FBN2: variants seen among roughly 807,000 people sequenced by gnomAD.
The protein encoded by FBN2 is fibrillin-2.
In FBN2, 105 loss-of-function variants were observed where a neutral mutation model predicts 355.6. The ratio of observed to expected loss-of-function variants is 0.30; its 90% CI spans 0.25 to 0.35. The LOEUF (loss-of-function observed/expected upper bound fraction) is 0.35, where lower values mean the gene tolerates loss of function less well. Ranked by LOEUF, FBN2 falls within the 10% of genes least tolerant of loss-of-function variation. The pLI is 1.00. For synonymous variants in FBN2, 1,350 were observed against 1,301.2 expected (o/e 1.04, Z -0.81); for missense variants, 3,280 against 3,758.7 (o/e 0.87, Z 3.33).
At chr5:128,480,955 T>C (rs1272941352) in intron 5 of FBN2, among the ~76,000 whole-genome samples, 2 of 152,202 alleles carry the variant, frequency 1.3e-5, no homozygotes, top group Non-Finnish European at 2.9e-5. Flanking sequence ...TAAAACTTTC[T>C]TGGATATGAA....
chr5:128,281,054 A>C (rs1765531137), intron 55 of FBN2, among the ~76,000 whole-genome samples: 1 of 152,108 alleles, frequency 6.6e-6, no homozygotes, highest in African/African-American at 2.4e-5. Flanking sequence ...ATTTTTAAAA[A>C]TTTACTGACA....
chr5:128,444,201 T>G (rs1754004282), intron 7 of FBN2, among the ~76,000 whole-genome samples: 1 of 151,392 alleles, frequency 6.6e-6, no homozygotes, highest in Non-Finnish European at 1.5e-5. Flanking sequence ...GCCTCCCGAG[T>G]AGCTGGGACT....
At chr5:128,481,050 A>T (rs530761215) in intron 5 of FBN2, among the ~76,000 whole-genome samples, 1 of 152,176 alleles carries the variant, frequency 6.6e-6, no homozygotes, top group Admixed American at 6.6e-5. Context: ...TCTATTATTC[A>T]AGCTCCCTAT....
Position 128,519,371 on chromosome 5 carries a change from G to A in FBN2, c.533-3C>T, listed in dbSNP as rs765533129. On this transcript the variant is annotated splice_polypyrimidine_tract_variant and splice_region_variant and intron_variant, in intron 4 of 64. Transcript: ENST00000262464. ...CTGACATCCATTTTCACAGACAGCTGCATACAAAAATAGCAAGAAGCTCAT... is the reference window on the plus strand; with the variant it reads ...CTGACATCCATTTTCACAGACAGCTACATACAAAAATAGCAAGAAGCTCAT... 2 of 1,612,742 alleles carry A rather than the reference G, an allele frequency of 1.2e-6. No individual in the cohort carries two copies. The highest frequency in any genetic ancestry group is 2.2e-5 in the East Asian group (1 of 44,862).
rs2126898743 is a variant in FBN2, at chr5:128,336,100, G to A, written c.3612C>T (p.Cys1204=). The change falls in exon 28 of 65, where the codon TGC becomes TGT. Residue 1204 remains cysteine (C), a synonymous_variant. Coordinates refer to ENST00000262464, the MANE Select transcript of FBN2 (RefSeq NM_001999.4). ...SREDCVDINE[C]SLSDNLCRNG... is the part of the protein sequence containing the mutation. ...TTCTGCAGAGATTGTCACTCAGGGA[G>A]CATTCATTAATATCTATAAAAGATA... 6.2e-7 allele frequency: 1 copy of A among 1,612,992 alleles called. No homozygotes were observed. Among genetic ancestry groups the A allele is most frequent in the African/African-American group, 1.3e-5 (1 of 75,026 alleles).
intron 6 of FBN2, among the ~76,000 whole-genome samples, chr5:128,449,314 CA>C (rs1754158222): frequency 6.8e-6 from 1 of 146,356 alleles, no homozygotes; most frequent in African/African-American, 2.5e-5. Flanking sequence ...TATAATTATA[CA>C]GTATACTATA....
chr5:128,314,059 C>T lies in FBN2; in HGVS notation c.4718-1264G>A, dbSNP rs141667102. ...ATGGTCTACTTTACCTTCTGTAAGCCAGAGTGACCCTTCAATAGCATTACC... is the reference window on the plus strand; with the variant it reads ...ATGGTCTACTTTACCTTCTGTAAGCTAGAGTGACCCTTCAATAGCATTACC... On this transcript the variant is annotated intron_variant, in intron 36 of 64. Coordinates refer to ENST00000262464, the MANE Select transcript of FBN2 (RefSeq NM_001999.4). 2.3e-3 allele frequency among the ~76,000 whole-genome samples: 352 copies of T among 152,010 alleles called. 1 individual carries two copies. Among genetic ancestry groups the T allele is most frequent in the Non-Finnish European group, 3.8e-3 (261 of 67,980 alleles).
chr5:128,284,015 T>A (rs1194350690), intron 55 of FBN2, among the ~76,000 whole-genome samples: 1 of 152,178 alleles, frequency 6.6e-6, no homozygotes, highest in Non-Finnish European at 1.5e-5. Flanking sequence ...AATCTGAGCC[T>A]CCTTTTTCTC....
intron 6 of FBN2, among the ~76,000 whole-genome samples, chr5:128,451,666 C>G (rs2127065290): frequency 6.6e-6 from 1 of 152,294 alleles, no homozygotes; most frequent in Non-Finnish European, 1.5e-5. Flanking sequence ...TCCCAAAGTG[C>G]TGAGATTACA....
At chr5:128,294,613 T>G (rs1052973447) in intron 48 of FBN2, among the ~76,000 whole-genome samples, 2 of 148,052 alleles carry the variant, frequency 1.4e-5, no homozygotes, top group African/African-American at 2.5e-5. Context: ...TTTTCATGTG[T>G]TTTTTGGCTG....
intron 34 of FBN2, among the ~76,000 whole-genome samples, chr5:128,325,495 T>C (rs536716068): frequency 6.6e-6 from 1 of 152,362 alleles, no homozygotes; most frequent in South Asian, 2.1e-4. Flanking sequence ...TTTAAGCCTA[T>C]GTGTGTCTTT....
rs1304251455 is a variant in FBN2 at position 128,312,884 on chromosome 5, A to C, written c.4718-89T>G. 3 of 1,415,864 alleles carry C rather than the reference A, an allele frequency of 2.1e-6. No individual in the cohort carries two copies. In the Admixed American group the frequency reaches 5.0e-5, roughly 24 times the overall value. The allele number at this position is 1,415,864 out of a possible 1,614,324, so 87.7% of individuals were successfully genotyped here. A position where few individuals can be genotyped will look rare whatever the true frequency, so the allele number is the denominator to read the frequency against. On this transcript the variant is annotated intron_variant, in intron 36 of 64. Transcript: ENST00000262464. The stretch of plus-strand genomic sequence containing the variant: ...AAAAGTCACTCAAAGGATGAAATTC[A>C]AATTTTGTACGTTAACATGAAAGGT...
At chr5:128,537,135 C>A (rs752037579) in intron 1 of FBN2, among the ~76,000 whole-genome samples, 1 of 152,150 alleles carries the variant, frequency 6.6e-6, no homozygotes, top group Non-Finnish European at 1.5e-5. Context: ...GCCGCCCAAC[C>A]CCCGGAGAGA....
intron 6 of FBN2, among the ~76,000 whole-genome samples, chr5:128,460,951 T>C (rs1420627835): frequency 6.6e-6 from 1 of 152,092 alleles, no homozygotes; most frequent in Non-Finnish European, 1.5e-5. Flanking sequence ...GGGGGGAGAC[T>C]TCATGACAAA....
At chr5:128,334,994 A>G (rs2126895993) in intron 30 of FBN2, 150 bp from the exon 31 acceptor site, 6 of 1,178,780 alleles carry the variant, frequency 5.1e-6, no homozygotes, top group South Asian at 3.9e-5. Context: ...TAAATATACA[A>G]CCTGCCTTTA....
chr5:128,381,724 G>T (rs972145387), intron 11 of FBN2, among the ~76,000 whole-genome samples: 1 of 151,978 alleles, frequency 6.6e-6, no homozygotes, highest in Admixed American at 6.6e-5. Flanking sequence ...TAAATGATGA[G>T]GTATATCTAT....
intron 1 of FBN2, among the ~76,000 whole-genome samples, 164 bp downstream of exon 1, chr5:128,537,186 G>A (rs1413567749): frequency 2.0e-4 from 30 of 149,322 alleles, no homozygotes; most frequent in Admixed American, 7.9e-4. Context: ...GGAAGGAAAA[G>A]GGGGACGCGC....
At chr5:128,440,247 A>T (rs1403801119) in intron 7 of FBN2, among the ~76,000 whole-genome samples, 1 of 152,132 alleles carries the variant, frequency 6.6e-6, no homozygotes, top group Non-Finnish European at 1.5e-5. Context: ...ATTTCTTTAG[A>T]CTATTGCTAC....
intron 10 of FBN2, among the ~76,000 whole-genome samples, chr5:128,392,642 T>C (rs961442688): frequency 1.3e-5 from 2 of 151,846 alleles, no homozygotes; most frequent in African/African-American, 4.8e-5. Flanking sequence ...CAAAAAAGGG[T>C]GAGGAAAGGA....
Sources: allele counts gnomAD v4.1 joint callset (sites outside exome capture counted in the v4.1 genomes callset), GRCh38; gene constraint gnomAD v4.1.1; transcripts MANE v1.5; gene names NCBI Gene and HGNC (gene_info 2026-07-23, HGNC 2026-07-21).